FBXL13: variants seen among roughly 807,000 people sequenced by gnomAD.
The protein encoded by FBXL13 is F-box and leucine-rich repeat protein 13.
In FBXL13, 67 loss-of-function variants were observed where a neutral mutation model predicts 83.6. That is an observed-to-expected ratio of 0.80 (90% CI 0.66 to 0.98). FBXL13 has a LOEUF of 0.98. FBXL13 is among the 50% of genes least tolerant of loss of function. The probability of loss-of-function intolerance (pLI) is 0.00; values close to 1 mark genes in which losing one functional copy is unlikely to be tolerated. For missense variants in FBXL13, 822 were observed against 866.5 expected, an observed-to-expected ratio of 0.95 and a Z score of 0.64; for synonymous variants, 272 against 299.5, an observed-to-expected ratio of 0.91 and a Z score of 0.95.
chr7:102,939,244 G>A (rs531723961), intron 8 of FBXL13, among the ~76,000 whole-genome samples: 2 of 152,312 alleles, frequency 1.3e-5, no homozygotes, highest in South Asian at 4.1e-4. Flanking sequence ...GTCACTGTAG[G>A]CTTTGCTGGG....
intron 19 of FBXL13, among the ~76,000 whole-genome samples, chr7:102,814,607 CTTA>C (rs1797742054): frequency 1.3e-5 from 2 of 152,208 alleles, no homozygotes; most frequent in African/African-American, 4.8e-5. Context: ...TGCTTTTTAG[CTTA>C]TTATTGGCTC....
chr7:102,892,347 T>G (rs1192154585), intron 11 of FBXL13, among the ~76,000 whole-genome samples: 2 of 152,204 alleles, frequency 1.3e-5, no homozygotes, highest in Non-Finnish European at 2.9e-5. Flanking sequence ...GTTTGTTACT[T>G]TCTTTAATTT....
chr7:102,836,233 T>TCATGGTACCATTCTCATC (rs1227006091), intron 17 of FBXL13, among the ~76,000 whole-genome samples: 1 of 152,212 alleles, frequency 6.6e-6, no homozygotes, highest in East Asian at 1.9e-4. Flanking sequence ...TATGATACAT[T>TCATGGTACCATTCTCATC]CATGGTACCA....
intron 19 of FBXL13, among the ~76,000 whole-genome samples, chr7:102,815,002 A>G (rs1199150705): frequency 1.3e-5 from 2 of 152,164 alleles, no homozygotes; most frequent in Non-Finnish European, 2.9e-5. Context: ...ATATCTTTCA[A>G]CACATTTTCT....
chr7:102,972,525 G>A (rs181175281), intron 6 of FBXL13, among the ~76,000 whole-genome samples: 15 of 152,086 alleles, frequency 9.9e-5, no homozygotes, highest in African/African-American at 3.6e-4. Flanking sequence ...AAAAAAGGGG[G>A]TAGATTTAAA....
chr7:102,909,113 G>C (rs1043307874), intron 11 of FBXL13, among the ~76,000 whole-genome samples: 1 of 152,196 alleles, frequency 6.6e-6, no homozygotes, highest in African/African-American at 2.4e-5. Flanking sequence ...CAAACTATAG[G>C]ATGCAGTCCT....
intron 2 of FBXL13, among the ~76,000 whole-genome samples, chr7:103,032,522 T>C (rs1794610931): frequency 2.0e-5 from 3 of 152,240 alleles, no homozygotes; most frequent in Non-Finnish European, 4.4e-5. Context: ...CCAAATGTCT[T>C]ACACGGTTTG....
intron 2 of FBXL13, among the ~76,000 whole-genome samples, chr7:103,038,470 G>A (rs1027380589): frequency 4.6e-5 from 7 of 152,222 alleles, no homozygotes; most frequent in African/African-American, 1.7e-4. Flanking sequence ...GATTCTCTCA[G>A]CACGGCGTTC....
chr7:102,901,587 T>G (rs377513061), intron 11 of FBXL13, among the ~76,000 whole-genome samples: 3 of 152,200 alleles, frequency 2.0e-5, no homozygotes, highest in South Asian at 2.1e-4. Flanking sequence ...GTAATCATCC[T>G]TCTACTCTCT....
intron 6 of FBXL13, among the ~76,000 whole-genome samples, chr7:102,983,699 G>T (rs1237580145): frequency 6.6e-6 from 1 of 152,022 alleles, no homozygotes; most frequent in Admixed American, 6.6e-5. Context: ...AGGATTACAG[G>T]CATGAGCCAC....
At chr7:103,073,496 T>C (rs935309798) in intron 1 of FBXL13, among the ~76,000 whole-genome samples, 22 of 93,924 alleles carry the variant, frequency 2.3e-4, no homozygotes, top group Admixed American at 1.9e-3. Context: ...ATAATAATGA[T>C]GATAATAATA....
In FBXL13 at chr7:102,997,216, T is replaced by C. The variant is rs558784168; in HGVS notation, c.495+27847A>G. On this transcript the variant is annotated intron_variant, in intron 6 of 19. Coordinates refer to ENST00000313221, the Ensembl canonical transcript of FBXL13. ...ACAAAATGAATGACCGCGGAAAACA[T>C]TCATGCTTTTATTATAGATCTGCAC... Among the ~76,000 whole-genome samples, 118 of 152,266 alleles carry C rather than the reference T, an allele frequency of 7.7e-4. 1 individual carries two copies. The highest frequency in any genetic ancestry group is 2.7e-3 in the African/African-American group (114 of 41,552).
chr7:102,973,434 T>C (rs1826992259), intron 6 of FBXL13: 2 of 719,096 alleles, frequency 2.8e-6, no homozygotes, highest in East Asian at 2.5e-5. Context: ...TACATCAGAC[T>C]GGGACAATTC....
At chr7:102,867,695 A>ATATATTTTTTTTT (rs1239781180) in intron 16 of FBXL13, among the ~76,000 whole-genome samples, 1 of 49,078 alleles carries the variant, frequency 2.0e-5, no homozygotes, top group African/African-American at 1.2e-4. Context: ...ATATATATAT[A>ATATATTTTTTTTT]TTTTTTTTTT....
intron 10 of FBXL13, among the ~76,000 whole-genome samples, chr7:102,925,748 C>A (rs961132813): frequency 6.6e-6 from 1 of 152,024 alleles, no homozygotes; most frequent in Non-Finnish European, 1.5e-5. Context: ...TTGAGACCAG[C>A]CTGACCAACA....
intron 6 of FBXL13, among the ~76,000 whole-genome samples, chr7:102,994,219 C>A (rs560895159): frequency 2.6e-5 from 4 of 151,960 alleles, no homozygotes; most frequent in Non-Finnish European, 5.9e-5. Flanking sequence ...AATGAACATT[C>A]TGCACATTAT....
chr7:102,970,068 T>C (rs767382442), intron 6 of FBXL13, among the ~76,000 whole-genome samples: 4 of 151,814 alleles, frequency 2.6e-5, no homozygotes, highest in Non-Finnish European at 5.9e-5. Context: ...CTGGGCAACA[T>C]AGTGAAACCC....
At chr7:103,052,357 G>A (rs928896480) in intron 2 of FBXL13, among the ~76,000 whole-genome samples, 11 of 152,056 alleles carry the variant, frequency 7.2e-5, no homozygotes, top group African/African-American at 2.7e-4. Flanking sequence ...CTAAGTAGAT[G>A]GGAGTACAAG....
intron 6 of FBXL13, among the ~76,000 whole-genome samples, chr7:102,977,862 C>A (rs1472940258): frequency 6.6e-6 from 1 of 152,110 alleles, no homozygotes; most frequent in African/African-American, 2.4e-5. Context: ...AAACCAAACA[C>A]TGCATATTCT....
Sources: gnomAD v4.1 joint callset for allele counts (sites outside exome capture counted in the v4.1 genomes callset) on GRCh38, gnomAD v4.1.1 for gene constraint, MANE v1.5 for transcripts, NCBI Gene and HGNC (gene_info 2026-07-23, HGNC 2026-07-21) for gene names.